Variants in PLAT observed in about 807,000 individuals in gnomAD.
PLAT encodes tissue-type plasminogen activator.
A neutral mutation model predicts 74.9 loss-of-function variants in PLAT; 48 were observed. That is an observed-to-expected ratio of 0.64 (90% CI 0.51 to 0.82). The LOEUF (loss-of-function observed/expected upper bound fraction) is 0.82. Ranked by LOEUF, PLAT falls within the 40% of genes least tolerant of loss-of-function variation. PLAT has a pLI of 0.00. For synonymous variants in PLAT, 307 were observed against 294.4 expected, an observed-to-expected ratio of 1.04 and a Z score of -0.44; for missense variants, 673 against 736.2, an observed-to-expected ratio of 0.91 and a Z score of 0.99.
intron 10 of PLAT, 44 bp downstream of exon 10, chr8:42,180,445 AG>A (rs1409606468): frequency 1.2e-6 from 2 of 1,613,730 alleles, no homozygotes; most frequent in Non-Finnish European, 1.7e-6. Context: ...CTTGGTTTCT[AG>A]GCGTTAGAGG....
At chr8:42,205,144 G>A (rs888602810) in intron 1 of PLAT, among the ~76,000 whole-genome samples, 4 of 152,234 alleles carry the variant, frequency 2.6e-5, no homozygotes, top group African/African-American at 9.6e-5. Context: ...AATGGGTACA[G>A]GACAAAGGAC....
chr8:42,199,112 C>G (rs1242236200), intron 1 of PLAT, among the ~76,000 whole-genome samples: 1 of 152,226 alleles, frequency 6.6e-6, no homozygotes, highest in Non-Finnish European at 1.5e-5. Context: ...CTGCATAGTA[C>G]AGAGGCCATG....
chr8:42,197,011 C>T (rs1004097986), intron 1 of PLAT, among the ~76,000 whole-genome samples: 1 of 152,146 alleles, frequency 6.6e-6, no homozygotes, highest in East Asian at 1.9e-4. Flanking sequence ...TGCTGGTCCC[C>T]AAGACCCCAA....
At chr8:42,191,991 A>C (rs996575096) in intron 2 of PLAT, among the ~76,000 whole-genome samples, 32 of 144,048 alleles carry the variant, frequency 2.2e-4, no homozygotes, top group African/African-American at 8.3e-4. Context: ...TGGCACTTGC[A>C]TTGCCTTTTT....
chr8:42,184,369 C>CT (rs948185932), intron 7 of PLAT, among the ~76,000 whole-genome samples: 4 of 151,404 alleles, frequency 2.6e-5, no homozygotes, highest in Non-Finnish European at 5.9e-5. Context: ...TCATTTTTTT[C>CT]TTTTTTTTGA....
chr8:42,191,266 G>C (rs1343870345), intron 3 of PLAT, 106 bp downstream of exon 3: 1 of 865,536 alleles, frequency 1.2e-6, no homozygotes, highest in African/African-American at 1.6e-5. Context: ...TCACACCGTA[G>C]GCAGGTGGTG....
intron 3 of PLAT, among the ~76,000 whole-genome samples, 158 bp downstream of exon 3, chr8:42,191,214 C>T (rs1409219263): frequency 3.3e-5 from 5 of 152,192 alleles, no homozygotes; most frequent in African/African-American, 1.2e-4. Context: ...GAGAATGGTG[C>T]CGACACAGGC....
chr8:42,197,644 G>C (rs1257864066), intron 1 of PLAT, among the ~76,000 whole-genome samples: 1 of 152,168 alleles, frequency 6.6e-6, no homozygotes, highest in East Asian at 1.9e-4. Context: ...CCCTGGAAAG[G>C]AGGAGGCCAG....
chr8:42,192,592 T>G (rs939763594), intron 2 of PLAT, among the ~76,000 whole-genome samples: 2 of 152,096 alleles, frequency 1.3e-5, no homozygotes, highest in African/African-American at 4.8e-5. Context: ...AAAAAATACC[T>G]TATAACAACC....
chr8:42,187,353 G>A (rs8178750), intron 6 of PLAT, 45 bp downstream of exon 6: 236,358 of 1,486,430 alleles, frequency 0.16, 20,031 homozygotes, highest in African/African-American at 0.22. Flanking sequence ...CCCAGCTGTA[G>A]CAGCTTCTCA....
intron 1 of PLAT, among the ~76,000 whole-genome samples, chr8:42,200,014 A>G (rs1806065315): frequency 6.6e-6 from 1 of 152,226 alleles, no homozygotes; most frequent in South Asian, 2.1e-4. Context: ...ACTGATCAGA[A>G]ACTTTCATTG....
chr8:42,180,630 G>A lies in PLAT; in HGVS notation c.945C>T (p.Leu315=). ...AGGGGTGGGAGGCGATGTCGGCGAA[G>A]AGCCCTCCTTTGATGCGAAACTGAG... ...SQPQFRIKGG[L]FADIASHPWQ... The change falls in exon 10 of 14, where the codon CTC becomes CTT. Residue 315 remains leucine, a synonymous_variant. Transcript: ENST00000220809. 6.2e-7 allele frequency: 1 copy of A among 1,610,880 alleles called. No homozygotes were observed. Among genetic ancestry groups the A allele is most frequent in the Non-Finnish European group, 8.5e-7 (1 of 1,178,108 alleles).
At chr8:42,189,903 T>TTTTTC (rs58642398) in intron 3 of PLAT, among the ~76,000 whole-genome samples, 1,662 of 150,474 alleles carry the variant, frequency 0.011, 45 homozygotes, top group African/African-American at 0.039. Context: ...CCAGCCTAAT[T>TTTTTC]TTTTCTTTTC....
At position 42,180,143 on chromosome 8, in the gene PLAT, G is replaced by A. The variant is rs139084355; in HGVS notation, c.1223-77C>T. ...GGGGAGGAACACGCAGGAGGGGCAG[G>A]GGCTGGAGGAGGAGGCCCGTGTGTG... On this transcript the variant is annotated intron_variant, in intron 11 of 13. Coordinates refer to ENST00000220809, the MANE Select transcript of PLAT (RefSeq NM_000930.5). 5.1e-4 allele frequency: 802 copies of A among 1,586,816 alleles called. 6 individuals carry two copies. The African/African-American group carries it at 9.0e-3, about 18-fold the overall frequency.
At chr8:42,200,674 CAAAAA>C (rs10667666) in intron 1 of PLAT, among the ~76,000 whole-genome samples, 1 of 103,128 alleles carries the variant, frequency 9.7e-6, no homozygotes, top group Non-Finnish European at 1.9e-5. Flanking sequence ...GATCCTGTCT[CAAAAA>C]AAAAAAAAAA....
At chr8:42,177,041 G>A (rs1307770220) in intron 13 of PLAT, among the ~76,000 whole-genome samples, 3 of 151,904 alleles carry the variant, frequency 2.0e-5, no homozygotes, top group East Asian at 3.9e-4. Context: ...GTGCAGTGGC[G>A]CAATCTCAGC....
At chr8:42,194,241 A>AGAGAGAGAGAGTGT (rs1419569830) in intron 1 of PLAT, among the ~76,000 whole-genome samples, 111 of 52,554 alleles carry the variant, frequency 2.1e-3, no homozygotes, top group African/African-American at 7.1e-3. Flanking sequence ...AGAGAGAGAG[A>AGAGAGAGAGAGTGT]GTGTGTGTGT....
chr8:42,182,488 T>C, intron 8 of PLAT: 1 of 416,080 alleles, frequency 2.4e-6, no homozygotes, highest in Non-Finnish European at 4.3e-6. Context: ...GAGGACTAAA[T>C]GGTTACAGGC....
Position 42,181,945 on chromosome 8 carries a change from G to A in PLAT, c.881C>T (p.Pro294Leu). The A allele has an allele frequency of 6.2e-7, 1 of 1,606,344 alleles. No individual in the cohort carries two copies. The change falls in exon 9 of 14, where the codon CCC becomes CTC. Residue 294 changes from proline to leucine, a missense_variant. Coordinates refer to ENST00000220809, the MANE Select transcript of PLAT (RefSeq NM_000930.5). ...CGGGGCCCAGCCCTTACAGCAGGAGGGCACATCACAGTACTCCCACGTCAG... is the reference window on the plus strand; with the variant it reads ...CGGGGCCCAGCCCTTACAGCAGGAGAGCACATCACAGTACTCCCACGTCAG... ...RRLTWEYCDV[P>L]SCSTCGLRQY...
Sources: gnomAD v4.1 joint callset for allele counts (sites outside exome capture counted in the v4.1 genomes callset) on GRCh38, gnomAD v4.1.1 for gene constraint, MANE v1.5 for transcripts, NCBI Gene and HGNC (gene_info 2026-07-23, HGNC 2026-07-21) for gene names.